GRIN2A: variants seen among roughly 807,000 people sequenced by gnomAD.
The protein encoded by GRIN2A is glutamate receptor ionotropic, NMDA 2A.
GRIN2A carries 22 observed loss-of-function variants against 113.4 expected under a neutral mutation model. The observed-to-expected ratio is 0.19, with a 90% confidence interval of 0.14 to 0.28. The LOEUF is 0.28. GRIN2A is among the 10% of genes least tolerant of loss of function. The pLI, the probability that GRIN2A is intolerant of heterozygous loss-of-function variation, is 1.00. For synonymous variants in GRIN2A, 827 were observed against 738.4 expected (o/e 1.12, Z -1.94); for missense variants, 1,502 against 1,887.0 (o/e 0.80, Z 3.78).
intron 2 of GRIN2A, among the ~76,000 whole-genome samples, chr16:10,174,213 C>A (rs1034833641): frequency 6.6e-6 from 1 of 152,142 alleles, no homozygotes; most frequent in African/African-American, 2.4e-5. Flanking sequence ...TCTGCACCAT[C>A]CACCATTAGT....
At chr16:9,998,643 C>G (rs1009189795) in intron 2 of GRIN2A, among the ~76,000 whole-genome samples, 1 of 152,144 alleles carries the variant, frequency 6.6e-6, no homozygotes, top group Admixed American at 6.5e-5. Flanking sequence ...AATTGCCTTG[C>G]AAAATCTTAC....
At chr16:9,884,942 T>G (rs1416844584) in intron 4 of GRIN2A, among the ~76,000 whole-genome samples, 1 of 151,738 alleles carries the variant, frequency 6.6e-6, no homozygotes, top group Admixed American at 6.6e-5. Context: ...TTTCATCATG[T>G]TAGCCAGGAT....
Position 9,840,818 on chromosome 16 carries a change from A to G in GRIN2A, c.1498-18T>C, listed in dbSNP as rs1329427275. ...TAGACCACCTGGATGCAAGGCAAAA[A>G]AAAAAAAAAAAAAAAGAGAGAGAGA... On this transcript the variant is annotated intron_variant, in intron 6 of 12. Coordinates refer to ENST00000330684, the MANE Select transcript of GRIN2A (RefSeq NM_001134407.3). 7.2e-7 allele frequency: 1 copy of G among 1,381,214 alleles called. No homozygotes were observed. The highest frequency in any genetic ancestry group is 9.9e-7 in the Non-Finnish European group (1 of 1,009,406). 85.6% of individuals were successfully genotyped at this position (1,381,214 alleles called of 1,614,324 possible).
chr16:10,001,417 T>A (rs2046317328), intron 2 of GRIN2A, among the ~76,000 whole-genome samples: 1 of 152,210 alleles, frequency 6.6e-6, no homozygotes. Flanking sequence ...GAATGACCAG[T>A]GGCAAAGATG....
chr16:9,806,437 C>A (rs1179532582), intron 10 of GRIN2A, among the ~76,000 whole-genome samples: 1 of 151,940 alleles, frequency 6.6e-6, no homozygotes, highest in Admixed American at 6.6e-5. Flanking sequence ...ATTTTTTTTA[C>A]CAATAATATT....
intron 3 of GRIN2A, among the ~76,000 whole-genome samples, chr16:9,913,490 A>C (rs944862169): frequency 6.6e-6 from 1 of 152,158 alleles, no homozygotes; most frequent in African/African-American, 2.4e-5. Flanking sequence ...AAGTTTCTTT[A>C]TGTTTCCCCT....
chr16:10,022,516 C>T (rs2046745450), intron 2 of GRIN2A, among the ~76,000 whole-genome samples: 1 of 152,218 alleles, frequency 6.6e-6, no homozygotes. Context: ...TTTTCCTCTA[C>T]ATCCCTACAA....
intron 10 of GRIN2A, among the ~76,000 whole-genome samples, chr16:9,819,332 G>A (rs917742732): frequency 6.6e-6 from 1 of 151,702 alleles, no homozygotes; most frequent in African/African-American, 2.4e-5. Flanking sequence ...ATCAGCCTGG[G>A]TAACACGGCA....
intron 10 of GRIN2A, among the ~76,000 whole-genome samples, chr16:9,817,025 T>C (rs2042198716): frequency 6.6e-6 from 1 of 152,188 alleles, no homozygotes; most frequent in Admixed American, 6.5e-5. Flanking sequence ...TCTCACTGAT[T>C]TGTCTGATAA....
chr16:9,869,240 C>T (rs1022584982), intron 4 of GRIN2A, among the ~76,000 whole-genome samples: 15 of 152,136 alleles, frequency 9.9e-5, no homozygotes, highest in African/African-American at 3.6e-4. Flanking sequence ...TGAGACCAGC[C>T]CGGGCAACAT....
rs571109397 is a variant in GRIN2A, at chr16:9,875,151, C to G, written c.1122+15835G>C. Among the ~76,000 whole-genome samples the G allele has an allele frequency of 2.6e-5, 4 of 151,988 alleles. No homozygotes were observed. In the East Asian group the frequency reaches 8.0e-4, roughly 30 times the overall value. ...AGCTGGGACTACAGGTGGCTCCTCA[C>G]TGCAGCCTCTCGTCTCTTAAAAAAG... On this transcript the variant is annotated intron_variant, in intron 4 of 12. Transcript: ENST00000330684.
Position 9,860,460 on chromosome 16 carries a change from A to AAAAAAAAAAAG in GRIN2A, c.1123-10510_1123-10500dup, listed in dbSNP as rs1567352511. ...AAGAGTCTCTCAAAAAAAAAAAAAA[A>AAAAAAAAAAAG]AAAAAAAAAAGAAAGACCAAGGGAG... On this transcript the variant is annotated intron_variant, in intron 4 of 12. Transcript: ENST00000330684. Among the ~76,000 whole-genome samples, 77 of 143,184 alleles carry AAAAAAAAAAAG rather than the reference A, an allele frequency of 5.4e-4. 2 individuals carry two copies. The highest frequency in any genetic ancestry group is 8.3e-4 in the Non-Finnish European group (54 of 65,324). 93.9% of individuals were successfully genotyped at this position (143,184 alleles called of 152,430 possible).
chr16:9,850,074 A>C (rs192625052), intron 4 of GRIN2A, 113 bp from the exon 5 acceptor site: 76 of 817,192 alleles, frequency 9.3e-5, no homozygotes, highest in African/African-American at 7.5e-4. Flanking sequence ...TTTCTGCCAC[A>C]TATCTCAACA....
chr16:10,074,259 C>T (rs1024232071), intron 2 of GRIN2A, among the ~76,000 whole-genome samples: 14 of 152,296 alleles, frequency 9.2e-5, no homozygotes, highest in East Asian at 1.9e-4. Flanking sequence ...AAATAAGAAA[C>T]CCCGTACACT....
chr16:9,996,435 C>A (rs879618132), intron 2 of GRIN2A, among the ~76,000 whole-genome samples: 1 of 152,158 alleles, frequency 6.6e-6, no homozygotes, highest in African/African-American at 2.4e-5. Context: ...CAGCTAAATG[C>A]AAACTGAACT....
At chr16:10,090,305 T>C (rs142495250) in intron 2 of GRIN2A, among the ~76,000 whole-genome samples, 69 of 152,194 alleles carry the variant, frequency 4.5e-4, no homozygotes, top group Non-Finnish European at 7.4e-4. Context: ...ATTACAAAGC[T>C]ACAGAAATCA....
At chr16:9,781,308 A>G (rs1901921827) in intron 11 of GRIN2A, among the ~76,000 whole-genome samples, 1 of 152,236 alleles carries the variant, frequency 6.6e-6, no homozygotes, top group South Asian at 2.1e-4. Flanking sequence ...ATGCTGCTAG[A>G]TAGTGGTAAA....
intron 2 of GRIN2A, among the ~76,000 whole-genome samples, chr16:10,026,524 T>G (rs4780763): frequency 6.6e-6 from 1 of 151,852 alleles, no homozygotes; most frequent in Non-Finnish European, 1.5e-5. Flanking sequence ...TTCCTAAATT[T>G]AAACTTCATA....
chr16:9,976,712 A>C (rs1035699202), intron 2 of GRIN2A, among the ~76,000 whole-genome samples: 4 of 152,206 alleles, frequency 2.6e-5, no homozygotes, highest in South Asian at 2.1e-4. Context: ...CCAGTAATGA[A>C]ATCACAGGCG....
Sources: allele counts gnomAD v4.1 joint callset (sites outside exome capture counted in the v4.1 genomes callset), GRCh38; gene constraint gnomAD v4.1.1; transcripts MANE v1.5; gene names NCBI Gene and HGNC (gene_info 2026-07-23, HGNC 2026-07-21).